BAZ2B: variants seen among roughly 807,000 people sequenced by gnomAD.
BAZ2B encodes the protein bromodomain adjacent to zinc finger domain 2B, also known as bromodomain adjacent to zinc finger domain protein 2B.
A neutral mutation model predicts 246.0 loss-of-function variants in BAZ2B; 91 were observed. The ratio of observed to expected loss-of-function variants is 0.37; its 90% confidence interval spans 0.31 to 0.44. BAZ2B has a LOEUF of 0.44. BAZ2B is among the 20% of genes least tolerant of loss of function. The pLI is 1.00. For synonymous variants in BAZ2B, 855 were observed against 860.0 expected (o/e 0.99, Z 0.10); for missense variants, 2,332 against 2,533.7 (o/e 0.92, Z 1.71).
At chr2:159,566,576 G>A (rs6758323) in intron 1 of BAZ2B, among the ~76,000 whole-genome samples, 8,153 of 152,096 alleles carry the variant, frequency 0.054, 367 homozygotes, top group African/African-American at 0.12. Context: ...TACAACAGGA[G>A]GCCATTCACA....
rs566991481 is a variant in BAZ2B at position 159,386,341 on chromosome 2, G to GT, written c.3471+11dup. ...ACAAATTTAAAACATTTTATATTTT[G>GT]TTTTTTTTTACCTTGTATCCTGTTA... On this transcript the variant is annotated intron_variant, in intron 22 of 36. Transcript: ENST00000392783. 2,740 of 1,573,058 alleles carry GT rather than the reference G, an allele frequency of 1.7e-3. 5 individuals carry two copies. Among genetic ancestry groups the GT allele is most frequent in the East Asian group, 4.4e-3 (196 of 44,046 alleles).
rs139008798 is a variant in BAZ2B at position 159,365,756 on chromosome 2, A to C, written c.4213+7289T>G. ...AAGTGCAACTCCTGCTTTCATGTGG[A>C]ACTTACTGTTGCAGAAAGAAAGAAC... On this transcript the variant is annotated intron_variant, in intron 27 of 36. Transcript: ENST00000392783. 2.6e-5 allele frequency among the ~76,000 whole-genome samples: 4 copies of C among 152,314 alleles called. No individual in the cohort carries two copies. In the East Asian group the frequency reaches 7.7e-4, roughly 29 times the overall value.
At chr2:159,565,347 A>G (rs982574000) in intron 1 of BAZ2B, among the ~76,000 whole-genome samples, 2 of 152,218 alleles carry the variant, frequency 1.3e-5, no homozygotes, top group Admixed American at 1.3e-4. Flanking sequence ...CTATACCTAG[A>G]GGGGGAGTGG....
intron 2 of BAZ2B, among the ~76,000 whole-genome samples, chr2:159,487,264 G>A (rs1359044600): frequency 1.3e-5 from 2 of 152,148 alleles, no homozygotes; most frequent in Non-Finnish European, 2.9e-5. Context: ...TTGAAATAGA[G>A]GCTCTAGCTC....
intron 3 of BAZ2B, among the ~76,000 whole-genome samples, chr2:159,469,608 T>G (rs1426368219): frequency 2.0e-5 from 3 of 151,808 alleles, no homozygotes; most frequent in Non-Finnish European, 2.9e-5. Flanking sequence ...GCTAATTTTT[T>G]ATATATATTT....
Position 159,431,112 on chromosome 2 carries a change from C to G in BAZ2B, c.1945G>C (p.Glu649Gln). ...SESDTEGSEE[E>Q]DDDDKDQDES... ...TCTTGGTCTTTATCATCATCATCTT[C>G]TTCTTCTGATCCTTCTGTATCTGAT... is the stretch of plus-strand genomic sequence containing the variant. The change falls in exon 10 of 37, where the codon GAA becomes CAA. Residue 649 changes from glutamate to glutamine, a missense_variant. Coordinates refer to ENST00000392783, the MANE Select transcript of BAZ2B (RefSeq NM_013450.4). 1 of 1,612,682 alleles carries G rather than the reference C, an allele frequency of 6.2e-7. No individual in the cohort carries two copies.
intron 31 of BAZ2B, among the ~76,000 whole-genome samples, chr2:159,342,656 T>C (rs539994369): frequency 2.0e-5 from 3 of 152,054 alleles, no homozygotes; most frequent in Non-Finnish European, 2.9e-5. Context: ...CCATTTACAA[T>C]AGCTACCAAA....
At chr2:159,571,021 T>C (rs1683875914) in intron 1 of BAZ2B, among the ~76,000 whole-genome samples, 1 of 151,996 alleles carries the variant, frequency 6.6e-6, no homozygotes, top group African/African-American at 2.4e-5. Flanking sequence ...GCCTGGCTAA[T>C]TTTTGTATTT....
chr2:159,404,984 C>T, intron 15 of BAZ2B, 38 bp downstream of exon 15: 1 of 1,611,932 alleles, frequency 6.2e-7, no homozygotes, highest in Non-Finnish European at 8.5e-7. Context: ...TTCCCCAGTA[C>T]TGACTCTTCG....
chr2:159,479,993 T>C (rs2079060442), intron 2 of BAZ2B, among the ~76,000 whole-genome samples: 1 of 152,152 alleles, frequency 6.6e-6, no homozygotes. Flanking sequence ...AAAGGCATAG[T>C]TGCTACTGAT....
At chr2:159,620,389 G>A (rs1012770814), upstream of BAZ2B, among the ~76,000 whole-genome samples, 1 of 152,166 alleles carries the variant, frequency 6.6e-6, no homozygotes, top group Admixed American at 6.5e-5. Flanking sequence ...CTATGCTAGA[G>A]GCTGGAAAAA....
chr2:159,575,214 C>T (rs1685017810), intron 1 of BAZ2B, among the ~76,000 whole-genome samples: 1 of 151,892 alleles, frequency 6.6e-6, no homozygotes, highest in Non-Finnish European at 1.5e-5. Context: ...ACAGGGAGTC[C>T]TATGCTTCTA....
At chr2:159,373,570 C>G (rs534013637) in intron 26 of BAZ2B, among the ~76,000 whole-genome samples, 1 of 152,274 alleles carries the variant, frequency 6.6e-6, no homozygotes, top group African/African-American at 2.4e-5. Context: ...GTGGCTCATG[C>G]CTGTAATCCC....
At chr2:159,466,374 T>C (rs1052762648) in intron 3 of BAZ2B, among the ~76,000 whole-genome samples, 13 of 152,222 alleles carry the variant, frequency 8.5e-5, no homozygotes, top group African/African-American at 3.1e-4. Flanking sequence ...TCTCCTTCCC[T>C]TCCTTTCTTC....
the BAZ2B span, among the ~76,000 whole-genome samples, chr2:159,636,450 C>G: frequency 2.6e-5 from 4 of 152,184 alleles, no homozygotes; most frequent in Non-Finnish European, 4.4e-5. Flanking sequence ...CTGGACTCAA[C>G]TGGCACCTAT....
intron 27 of BAZ2B, among the ~76,000 whole-genome samples, chr2:159,360,632 C>A (rs2059585922): frequency 6.6e-6 from 1 of 152,114 alleles, no homozygotes; most frequent in South Asian, 2.1e-4. Flanking sequence ...AAAAAGGTCC[C>A]ATATAGCCAA....
At chr2:159,530,441 G>A (rs1368609812) in intron 2 of BAZ2B, among the ~76,000 whole-genome samples, 1 of 152,030 alleles carries the variant, frequency 6.6e-6, no homozygotes, top group Non-Finnish European at 1.5e-5. Flanking sequence ...AAATATCTCA[G>A]TATATCTATA....
chr2:159,412,002 A>C (rs1259559335), intron 14 of BAZ2B: 19 of 983,724 alleles, frequency 1.9e-5, no homozygotes, highest in Non-Finnish European at 2.3e-5. Context: ...GGAGCTGTTA[A>C]AATGAGAATT....
chr2:159,653,527 A>C, the BAZ2B span, among the ~76,000 whole-genome samples: 6 of 152,310 alleles, frequency 3.9e-5, no homozygotes, highest in East Asian at 1.2e-3. Flanking sequence ...GTACCTCTAA[A>C]CAAAACTTGA....
Sources: allele counts gnomAD v4.1 joint callset (sites outside exome capture counted in the v4.1 genomes callset), GRCh38; gene constraint gnomAD v4.1.1; transcripts MANE v1.5; gene names NCBI Gene and HGNC (gene_info 2026-07-23, HGNC 2026-07-21).